The following METTL6 variants were observed in gnomAD, a reference collection of about 807,000 sequenced individuals.
METTL6 encodes tRNA N(3)-cytidine methyltransferase METTL6.
Under a neutral mutation model 26.4 loss-of-function variants are expected in METTL6, and 22 were observed. That is an observed-to-expected ratio of 0.83 (90% CI 0.59 to 1.19). The LOEUF is 1.19. Ranked by LOEUF, METTL6 falls within the 50% of genes most tolerant of loss-of-function variation. The probability of loss-of-function intolerance (pLI) is 0.00; values close to 1 mark genes in which losing one functional copy is unlikely to be tolerated. For missense variants in METTL6, 304 were observed against 324.8 expected (o/e 0.94, Z 0.49); for synonymous variants, 109 against 116.2 (o/e 0.94, Z 0.40).
At chr3:15,397,410 T>C (rs1343715489) in intron 6 of METTL6, among the ~76,000 whole-genome samples, 1 of 152,102 alleles carries the variant, frequency 6.6e-6, no homozygotes, top group Non-Finnish European at 1.5e-5. Context: ...GGAAAGGGAA[T>C]TCCCCTGACC....
At chr3:15,383,297 G>A (rs527972796) in exon 7 of METTL6, 1 of 152,012 alleles carries the variant, frequency 6.6e-6, no homozygotes, top group South Asian at 2.1e-4. Context: ...TGATTTTTTA[G>A]TTATTCTTCA....
downstream of METTL6, among the ~76,000 whole-genome samples, chr3:15,407,177 G>A (rs1307537125): frequency 6.6e-6 from 1 of 151,914 alleles, no homozygotes; most frequent in Non-Finnish European, 1.5e-5. Flanking sequence ...GCACCACCAC[G>A]CCCAGCTAAT....
At chr3:15,405,916 G>A (rs1253780391), downstream of METTL6, among the ~76,000 whole-genome samples, 2 of 152,028 alleles carry the variant, frequency 1.3e-5, no homozygotes, top group African/African-American at 4.8e-5. Flanking sequence ...AGTTTGTACT[G>A]GGTAAGTCCT....
At chr3:15,412,265 C>G (rs1199957339) in intron 5 of METTL6, among the ~76,000 whole-genome samples, 1 of 152,070 alleles carries the variant, frequency 6.6e-6, no homozygotes, top group Non-Finnish European at 1.5e-5. Context: ...GAAAATCTAA[C>G]CCAAATAATA....
chr3:15,421,644 G>A (rs1040382883), intron 3 of METTL6, among the ~76,000 whole-genome samples: 4 of 152,098 alleles, frequency 2.6e-5, no homozygotes, highest in South Asian at 4.1e-4. Context: ...GGCCAGGTGC[G>A]GTGGCTTATG....
exon 7 of METTL6, chr3:15,383,414 T>A (rs2124880453): frequency 6.6e-6 from 1 of 152,006 alleles, no homozygotes; most frequent in African/African-American, 2.4e-5. Flanking sequence ...TTTTTTTTTT[T>A]TTTATTAGAG....
exon 7 of METTL6, chr3:15,384,094 C>T: frequency 2.5e-6 from 1 of 401,684 alleles, no homozygotes; most frequent in Non-Finnish European, 4.8e-6. Flanking sequence ...AAAACAATAT[C>T]ATACTGGAAG....
chr3:15,425,033 T>C lies in METTL6; in HGVS notation c.282A>G (p.Leu94=). 1.9e-6 allele frequency: 3 copies of C among 1,614,166 alleles called. No individual in the cohort carries two copies. Among genetic ancestry groups the C allele is most frequent in the Non-Finnish European group, 2.5e-6 (3 of 1,180,012 alleles). The part of the protein sequence containing the change: ...LEAGCGVGNC[L]FPLLEEDPNI... ...TCGGATCTTCTTCTAAAAGTGGGAA[T>C]AAACAGTTTCCAACCCCACAGCCAG... The change falls in exon 3 of 6, where the codon TTA becomes TTG. Residue 94 remains leucine (L), a synonymous_variant. Coordinates refer to ENST00000383790, the MANE Select transcript of METTL6 (RefSeq NM_152396.4).
chr3:15,423,166 C>A (rs1329093567), intron 3 of METTL6, among the ~76,000 whole-genome samples: 3 of 151,502 alleles, frequency 2.0e-5, no homozygotes, highest in Non-Finnish European at 4.4e-5. Context: ...GAGGCCAAGG[C>A]GGGTGGATTA....
chr3:15,390,548 C>T (rs1009980327), intron 6 of METTL6, among the ~76,000 whole-genome samples: 6 of 152,162 alleles, frequency 3.9e-5, no homozygotes, highest in African/African-American at 9.7e-5. Flanking sequence ...CTTGTTTACT[C>T]GGCCACCTCG....
intron 3 of METTL6, among the ~76,000 whole-genome samples, chr3:15,421,337 T>C (rs1377998790): frequency 6.6e-6 from 1 of 152,252 alleles, no homozygotes; most frequent in Non-Finnish European, 1.5e-5. Flanking sequence ...ACTGTGTCTA[T>C]GTACACACAG....
chr3:15,384,047 G>A (rs1575378167), exon 7 of METTL6: 1 of 355,004 alleles, frequency 2.8e-6, no homozygotes, highest in Non-Finnish European at 5.3e-6. Context: ...CTGGATAAAG[G>A]GTTACCAGGC....
chr3:15,413,775 G>A (rs1559490718), intron 5 of METTL6: 1 of 1,440,504 alleles, frequency 6.9e-7, no homozygotes, highest in Non-Finnish European at 9.2e-7. Flanking sequence ...GCATGTCAGA[G>A]GCTGTCCATT....
At chr3:15,406,708 A>G (rs7621437), downstream of METTL6, among the ~76,000 whole-genome samples, 111,025 of 143,098 alleles carry the variant, frequency 0.78, 43,396 homozygotes, top group East Asian at 0.95. Context: ...GTGCAATGGC[A>G]TGATCTTGGC....
downstream of METTL6, among the ~76,000 whole-genome samples, chr3:15,407,003 G>A (rs1047801904): frequency 1.3e-5 from 2 of 151,738 alleles, no homozygotes; most frequent in African/African-American, 4.8e-5. Flanking sequence ...CATTAAACCA[G>A]CTTTAAATAT....
In METTL6 at chr3:15,411,263, T is replaced by C. The variant is rs199971330; in HGVS notation, c.848A>G (p.Lys283Arg). 4.3e-6 allele frequency: 7 copies of C among 1,612,480 alleles called. No homozygotes were observed. The highest frequency in any genetic ancestry group is 5.1e-6 in the Non-Finnish European group (6 of 1,179,558). Reference protein sequence around the residue: ...PSPVVLGLDPKS With the variant: ...PSPVVLGLDPRS ...TGCCAACCTCATGAAAGGTCAGGAC[T>C]TAGGATCCAGGCCCAGGACCACAGG... The change falls in exon 6 of 6, where the codon AAG (lysine) becomes AGG (arginine). Residue 283 changes from lysine to arginine, a missense_variant. Physicochemically the swap from Lys to Arg is conservative, Grantham distance 26. Coordinates refer to ENST00000383790, the MANE Select transcript of METTL6 (RefSeq NM_152396.4).
downstream of METTL6, among the ~76,000 whole-genome samples, chr3:15,406,566 G>GA (rs547902420): frequency 0.082 from 7,139 of 86,884 alleles, 455 homozygotes; most frequent in African/African-American, 0.18. Context: ...ACCCAGCCAT[G>GA]AAAAAAAAAA....
intron 3 of METTL6, among the ~76,000 whole-genome samples, chr3:15,424,733 A>G (rs2061680684): frequency 6.6e-6 from 1 of 152,232 alleles, no homozygotes; most frequent in East Asian, 1.9e-4. Flanking sequence ...AAAGATGTTA[A>G]TTATATGGAT....
At chr3:15,390,597 T>A (rs553675276) in intron 6 of METTL6, among the ~76,000 whole-genome samples, 2 of 152,234 alleles carry the variant, frequency 1.3e-5, no homozygotes, top group East Asian at 3.9e-4. Context: ...GTGCAGGAAC[T>A]GGAAAAAACG....
Sources: gnomAD v4.1 joint callset for allele counts (sites outside exome capture counted in the v4.1 genomes callset) on GRCh38, gnomAD v4.1.1 for gene constraint, MANE v1.5 for transcripts, NCBI Gene and HGNC (gene_info 2026-07-23, HGNC 2026-07-21) for gene names.